The following DST variants were observed in gnomAD, a reference collection of about 807,000 sequenced individuals.
DST encodes the protein dystonin, also known as bullous pemphigoid antigen.
DST carries 253 observed loss-of-function variants against 875.2 expected under a neutral mutation model. The observed-to-expected ratio is 0.29, with a 90% confidence interval of 0.26 to 0.32. The LOEUF (loss-of-function observed/expected upper bound fraction) is 0.32. Among genes scored for constraint, DST ranks in the 10% least tolerant of loss-of-function variants. The pLI, the probability that DST is intolerant of heterozygous loss-of-function variation, is 1.00. For missense variants in DST, 8,287 were observed against 9,111.6 expected, an observed-to-expected ratio of 0.91 and a Z score of 3.68; for synonymous variants, 3,124 against 3,197.1, an observed-to-expected ratio of 0.98 and a Z score of 0.77.
intron 4 of DST, among the ~76,000 whole-genome samples, chr6:56,783,888 C>T (rs1191396763): frequency 6.6e-6 from 1 of 152,146 alleles, no homozygotes; most frequent in East Asian, 1.9e-4. Context: ...ATGTTTAGTG[C>T]TTCCTTCAGG....
At chr6:56,621,602 A>C (rs2152742044) in intron 36 of DST, among the ~76,000 whole-genome samples, 1 of 152,332 alleles carries the variant, frequency 6.6e-6, no homozygotes, top group South Asian at 2.1e-4. Flanking sequence ...TGTATAGAAA[A>C]AATTATAAGA....
chr6:56,870,236 G>C (rs1009083116), intron 3 of DST, among the ~76,000 whole-genome samples: 2 of 151,916 alleles, frequency 1.3e-5, no homozygotes, highest in African/African-American at 4.8e-5. Context: ...AGGTAGTAAA[G>C]AGAGCTCACT....
intron 102 of DST, 93 bp downstream of exon 102, chr6:56,462,935 GACATAGGGTTAGCAAAGT>G: frequency 1.7e-6 from 1 of 582,166 alleles, no homozygotes; most frequent in East Asian, 2.8e-5. Flanking sequence ...TGTATAAAAA[GACATAGGGTTAGCAAAGT>G]ACATATATTT....
At chr6:56,679,598 T>TC (rs2099147098) in intron 9 of DST, among the ~76,000 whole-genome samples, 1 of 128,108 alleles carries the variant, frequency 7.8e-6, no homozygotes, top group African/African-American at 3.6e-5. Context: ...CTATGTCTCA[T>TC]TAAAAAAAAA....
At chr6:56,911,644 A>G (rs1798863452) in intron 2 of DST, among the ~76,000 whole-genome samples, 1 of 152,196 alleles carries the variant, frequency 6.6e-6, no homozygotes, top group Non-Finnish European at 1.5e-5. Context: ...TATACATACA[A>G]CATGCCTTAA....
chr6:56,529,999 A>C lies in DST; in HGVS notation c.17243T>G (p.Leu5748Arg). The C allele has an allele frequency of 6.2e-7, 1 of 1,613,532 alleles. No individual in the cohort carries two copies. The highest frequency in any genetic ancestry group is 8.5e-7 in the Non-Finnish European group (1 of 1,179,668). ...CEPIGTQASK[L>R]EEQIAQHKAL... The stretch of plus-strand genomic sequence containing the variant: ...TTTGTGCTGTGCAATTTGTTCCTCA[A>C]GTTTAGATGCTTGGGTTCCTATGGG... The change falls in exon 65 of 104, where the codon CTT becomes CGT. Residue 5748 changes from leucine to arginine, a missense_variant. Physicochemically the swap from Leu to Arg is moderately radical, Grantham distance 102. Around this residue, in one of 10 missense-constraint regions of DST, gnomAD observed 777 missense variants for 764.8 expected, o/e 1.02. Coordinates refer to ENST00000680361, the MANE Select transcript of DST (RefSeq NM_001374736.1).
In DST at chr6:56,503,240, G is replaced by A. The variant is rs186627118; in HGVS notation, c.19566+757C>T. Among the ~76,000 whole-genome samples, 588 of 152,024 alleles carry A rather than the reference G, an allele frequency of 3.9e-3. 10 individuals are homozygous for A. The highest frequency in any genetic ancestry group is 0.028 in the Admixed American group (420 of 15,250). ...TTGCTAGCACACCAAGGTCACTATAGTCAAAAATAATTTTTGTACAATTAA... is the reference window on the plus strand; with the variant it reads ...TTGCTAGCACACCAAGGTCACTATAATCAAAAATAATTTTTGTACAATTAA... On this transcript the variant is annotated intron_variant, in intron 78 of 103. Transcript: ENST00000680361.
intron 47 of DST, among the ~76,000 whole-genome samples, chr6:56,595,500 C>T (rs1472814650): frequency 6.6e-6 from 1 of 152,126 alleles, no homozygotes; most frequent in Non-Finnish European, 1.5e-5. Context: ...TTATTTTGCT[C>T]ACTGTGTAAT....
chr6:56,644,867 A>G (rs964058868), intron 15 of DST, among the ~76,000 whole-genome samples: 12 of 152,262 alleles, frequency 7.9e-5, no homozygotes, highest in Admixed American at 6.5e-4. Context: ...AATTGTAATA[A>G]TCCTCATGTG....
intron 3 of DST, among the ~76,000 whole-genome samples, chr6:56,858,382 G>GT (rs1769141672): frequency 6.6e-6 from 1 of 152,148 alleles, no homozygotes; most frequent in Non-Finnish European, 1.5e-5. Flanking sequence ...TTGTACACTG[G>GT]TTAGTGTTAC....
At chr6:56,655,633 G>A (rs2099003449) in intron 10 of DST, among the ~76,000 whole-genome samples, 2 of 152,018 alleles carry the variant, frequency 1.3e-5, no homozygotes, top group South Asian at 4.2e-4. Flanking sequence ...TAAGTCTTGG[G>A]GGTAAGGAGA....
At chr6:56,561,248 C>T (rs1439078196) in intron 57 of DST, 60 bp downstream of exon 57, 13 of 1,511,918 alleles carry the variant, frequency 8.6e-6, no homozygotes, top group East Asian at 2.4e-5. Context: ...ACCAGAGCTC[C>T]GTTCCAACTG....
intron 4 of DST, among the ~76,000 whole-genome samples, chr6:56,824,804 G>A (rs573266012): frequency 2.8e-4 from 43 of 151,846 alleles, no homozygotes; most frequent in South Asian, 1.3e-3. Context: ...GAGCCCCTCC[G>A]TCCGGCAGCC....
chr6:56,845,050 A>G (rs1025835313), intron 4 of DST, among the ~76,000 whole-genome samples: 5 of 152,222 alleles, frequency 3.3e-5, no homozygotes, highest in Non-Finnish European at 7.3e-5. Flanking sequence ...CTGGTGTTAT[A>G]TAAGGATTAG....
chr6:56,650,706 TTTTA>T (rs1224485536), intron 12 of DST, among the ~76,000 whole-genome samples: 2 of 152,210 alleles, frequency 1.3e-5, no homozygotes, highest in Non-Finnish European at 2.9e-5. Context: ...AAATAGCCTC[TTTTA>T]TTTATGACAC....
chr6:56,713,497 G>A (rs1252271099), intron 5 of DST, among the ~76,000 whole-genome samples: 4 of 152,022 alleles, frequency 2.6e-5, no homozygotes, highest in Admixed American at 6.6e-5. Context: ...ATCCTTAACC[G>A]AACAGTGAGC....
In DST at chr6:56,593,739, T is replaced by C. The variant is rs1474999143; in HGVS notation, c.12650A>G (p.Asp4217Gly). 3 of 1,613,760 alleles carry C rather than the reference T, an allele frequency of 1.9e-6. No homozygotes were observed. Among genetic ancestry groups the C allele is most frequent in the African/African-American group, 1.3e-5 (1 of 74,910 alleles). ...SCSKRDGGKV[D>G]TSATHREVQR... ...CACTTCTCTGTGGGTTGCAGAAGTA[T>C]CAACCTTGCCACCGTCTCTCTTGCT... The change falls in exon 48 of 104, where the codon GAT becomes GGT. Residue 4217 changes from aspartate to glycine, a missense_variant. Coordinates refer to ENST00000680361, the MANE Select transcript of DST (RefSeq NM_001374736.1).
intron 4 of DST, among the ~76,000 whole-genome samples, chr6:56,782,646 C>T (rs1448210194): frequency 1.3e-5 from 2 of 152,000 alleles, no homozygotes; most frequent in Non-Finnish European, 2.9e-5. Context: ...AGCGGTCTAT[C>T]AATTTTGTTG....
At chr6:56,499,996 G>T (rs2096066703) in intron 80 of DST, among the ~76,000 whole-genome samples, 1 of 152,072 alleles carries the variant, frequency 6.6e-6, no homozygotes, top group Admixed American at 6.6e-5. Context: ...TTAATCAAAT[G>T]TGGCTGGGCA....
Sources: allele counts gnomAD v4.1 joint callset (sites outside exome capture counted in the v4.1 genomes callset), GRCh38; gene constraint gnomAD v4.1.1; regional missense constraint gnomAD v4.1.1; transcripts MANE v1.5; gene names NCBI Gene and HGNC (gene_info 2026-07-23, HGNC 2026-07-21).